The following MATCAP2 variants were observed in gnomAD, a reference collection of about 807,000 sequenced individuals.
MATCAP2 encodes the protein microtubule associated tyrosine carboxypeptidase 2, also known as putative tyrosine carboxypeptidase MATCAP2.
chr7:36,334,987 A>T, the MATCAP2 span: 1 of 1,490,932 alleles, frequency 6.7e-7, no homozygotes, highest in Non-Finnish European at 9.1e-7. Flanking sequence ...CTAAAAGAAC[A>T]TTTCTTTAGA....
chr7:36,382,193 G>C, the MATCAP2 span, among the ~76,000 whole-genome samples: 1 of 149,340 alleles, frequency 6.7e-6, no homozygotes, highest in Admixed American at 6.7e-5. Context: ...TGTGATCCCA[G>C]CTACTCGGGA....
chr7:36,385,847 TAA>T, the MATCAP2 span, among the ~76,000 whole-genome samples: 2 of 147,952 alleles, frequency 1.4e-5, no homozygotes, highest in Non-Finnish European at 3.0e-5. Context: ...TAAAATAAAA[TAA>T]AATAAGATAA....
the MATCAP2 span, among the ~76,000 whole-genome samples, chr7:36,358,086 T>C: frequency 2.0e-5 from 3 of 151,848 alleles, no homozygotes; most frequent in Non-Finnish European, 4.4e-5. Context: ...TAATCCCAGC[T>C]ACTCAGGAGG....
At chr7:36,340,081 C>G in the MATCAP2 span, among the ~76,000 whole-genome samples, 2 of 152,164 alleles carry the variant, frequency 1.3e-5, no homozygotes, top group African/African-American at 4.8e-5. Flanking sequence ...CCAGGCTGGT[C>G]TCGAACTCCT....
At chr7:36,352,839 AAAGT>A in the MATCAP2 span, among the ~76,000 whole-genome samples, 2 of 151,452 alleles carry the variant, frequency 1.3e-5, no homozygotes, top group South Asian at 4.2e-4. Flanking sequence ...AAAAAAAAAA[AAAGT>A]ATTATGTTTG....
At chr7:36,341,729 T>G in the MATCAP2 span, among the ~76,000 whole-genome samples, 1 of 152,124 alleles carries the variant, frequency 6.6e-6, no homozygotes, top group Non-Finnish European at 1.5e-5. Context: ...CATCTGCCTC[T>G]AAATAAAAGT....
the MATCAP2 span, chr7:36,326,682 ATCT>A: frequency 7.8e-7 from 1 of 1,280,134 alleles, no homozygotes; most frequent in Non-Finnish European, 1.1e-6. Context: ...TCTTTTATAA[ATCT>A]TCTGGTGCTA....
At chr7:36,331,050 C>G in the MATCAP2 span, 3 of 1,612,864 alleles carry the variant, frequency 1.9e-6, no homozygotes, top group Non-Finnish European at 2.5e-6. Flanking sequence ...AGAATTCCAT[C>G]CAAGTATACC....
chr7:36,335,418 G>A, the MATCAP2 span, among the ~76,000 whole-genome samples: 1 of 152,096 alleles, frequency 6.6e-6, no homozygotes, highest in East Asian at 1.9e-4. Flanking sequence ...CTGTGCTGAG[G>A]AAGACACGAA....
the MATCAP2 span, among the ~76,000 whole-genome samples, chr7:36,388,983 G>A: frequency 8.5e-5 from 13 of 152,350 alleles, no homozygotes; most frequent in Middle Eastern, 3.4e-3. Flanking sequence ...GGCCAGGCCT[G>A]CAGTCCCCCT....
the MATCAP2 span, chr7:36,326,921 G>GA: frequency 1.3e-6 from 2 of 1,589,366 alleles, no homozygotes; most frequent in Non-Finnish European, 1.7e-6. Flanking sequence ...TAAGAAACCT[G>GA]AAAAAAAGGA....
the MATCAP2 span, among the ~76,000 whole-genome samples, chr7:36,372,420 A>G: frequency 6.6e-6 from 1 of 152,260 alleles, no homozygotes; most frequent in African/African-American, 2.4e-5. Flanking sequence ...CAGGATGTCT[A>G]TATCAAGAGA....
At chr7:36,366,893 G>A in the MATCAP2 span, 1 of 1,471,510 alleles carries the variant, frequency 6.8e-7, no homozygotes, top group Non-Finnish European at 8.9e-7. Context: ...CCCCCGCCGC[G>A]GCCAGCCCTT....
At chr7:36,332,679 G>C in the MATCAP2 span, among the ~76,000 whole-genome samples, 1 of 152,206 alleles carries the variant, frequency 6.6e-6, no homozygotes, top group Non-Finnish European at 1.5e-5. Flanking sequence ...TGTAGTCCCA[G>C]CACTTTGGGA....
At chr7:36,343,784 G>A in the MATCAP2 span, among the ~76,000 whole-genome samples, 1 of 151,650 alleles carries the variant, frequency 6.6e-6, no homozygotes, top group African/African-American at 2.4e-5. Context: ...AAAATGAGAG[G>A]GAAGGTGAGA....
At chr7:36,333,813 A>G in the MATCAP2 span, 2 of 1,456,610 alleles carry the variant, frequency 1.4e-6, no homozygotes, top group Non-Finnish European at 1.9e-6. Flanking sequence ...TCACTAGACA[A>G]CTAGTCAGTA....
the MATCAP2 span, chr7:36,335,284 T>C: frequency 1.9e-6 from 2 of 1,033,506 alleles, no homozygotes; most frequent in Middle Eastern, 2.2e-4. Flanking sequence ...TGTTTTTTGT[T>C]TATAACCACC....
At chr7:36,378,151 G>A in the MATCAP2 span, among the ~76,000 whole-genome samples, 3 of 152,168 alleles carry the variant, frequency 2.0e-5, no homozygotes, top group Non-Finnish European at 2.9e-5. Context: ...CGTTGCTGGC[G>A]AGGAGCTGTG....
At chr7:36,332,754 C>T in the MATCAP2 span, among the ~76,000 whole-genome samples, 2 of 152,182 alleles carry the variant, frequency 1.3e-5, no homozygotes, top group Non-Finnish European at 2.9e-5. Context: ...AGGGTGAAAT[C>T]CCGTCCCTAC....
Sources: gnomAD v4.1 joint callset for allele counts (sites outside exome capture counted in the v4.1 genomes callset) on GRCh38, gnomAD v4.1.1 for gene constraint, MANE v1.5 for transcripts, NCBI Gene and HGNC (gene_info 2026-07-23, HGNC 2026-07-21) for gene names.